Variants in BROX observed in about 807,000 individuals in gnomAD.
BROX encodes the protein BRO1 domain and CAAX motif containing.
In BROX, 53 loss-of-function variants were observed where a neutral mutation model predicts 61.0. The observed-to-expected ratio is 0.87, with a 90% CI of 0.70 to 1.09. The LOEUF (loss-of-function observed/expected upper bound fraction) is 1.09. Ranked by LOEUF, BROX falls within the 50% of genes least tolerant of loss-of-function variation. The probability of loss-of-function intolerance (pLI) is 0.00; values close to 1 mark genes in which losing one functional copy is unlikely to be tolerated. For synonymous variants in BROX, 152 were observed against 160.2 expected, an observed-to-expected ratio of 0.95 and a Z score of 0.38; for missense variants, 489 against 472.0, an observed-to-expected ratio of 1.04 and a Z score of -0.33.
rs1421396815 is a variant in BROX at position 222,730,121 on chromosome 1, A to T, written c.933A>T (p.Lys311Asn). 4 of 1,612,874 alleles carry T rather than the reference A, an allele frequency of 2.5e-6. No individual in the cohort carries two copies. The South Asian group carries it at 4.4e-5, about 18-fold the overall frequency. ...CTTCAGGACATCTGTTCTTTAGGAA[A>T]CTTGGAAACCTTGTGAAGAACACCC... ...VKPSGHLFFR[K>N]LGNLVKNTLE... The change falls in exon 11 of 13, where the codon AAA becomes AAT. Residue 311 changes from lysine (K) to asparagine (N), a missense_variant. Physicochemically the swap from Lys to Asn is moderately conservative, Grantham distance 94. Transcript: ENST00000340934.
At position 222,734,653 on chromosome 1, in the gene BROX, T is replaced by C. The variant is rs1658170293; in HGVS notation, c.*1939T>C. 1 of 152,232 alleles carries C rather than the reference T, an allele frequency of 6.6e-6. No homozygotes were observed. 9.4% of individuals were successfully genotyped at this position (152,232 alleles called of 1,614,324 possible). ...TTATTAAATCTCCCTGTATTTTATGTTGTCTTTATTACAGAATCACTTGTC... is the reference window on the plus strand; with the variant it reads ...TTATTAAATCTCCCTGTATTTTATGCTGTCTTTATTACAGAATCACTTGTC... On this transcript the variant is annotated 3_prime_UTR_variant, in exon 13 of 13. Coordinates refer to ENST00000340934, the MANE Select transcript of BROX (RefSeq NM_144695.4).
rs1658181369 is a variant in BROX at position 222,734,829 on chromosome 1, A to G, written c.*2115A>G. ...CATTGACATTTTTGGGGATGATACT[A>G]CCATATACGAAATGGAAAATGTAAT... On this transcript the variant is annotated 3_prime_UTR_variant, in exon 13 of 13. Transcript: ENST00000340934. 6.6e-6 allele frequency: 1 copy of G among 152,160 alleles called. No individual in the cohort carries two copies. The highest frequency in any genetic ancestry group is 1.5e-5 in the Non-Finnish European group (1 of 68,030). 9.4% of individuals were successfully genotyped at this position (152,160 alleles called of 1,614,324 possible).
At chr1:222,714,948 C>A (rs1367528369) in intron 1 of BROX, among the ~76,000 whole-genome samples, 1 of 152,096 alleles carries the variant, frequency 6.6e-6, no homozygotes, top group Non-Finnish European at 1.5e-5. Flanking sequence ...TAAAAATATT[C>A]TTTAGGTATT....
At chr1:222,730,654 G>A (rs1334076665) in intron 11 of BROX, among the ~76,000 whole-genome samples, 1 of 152,148 alleles carries the variant, frequency 6.6e-6, no homozygotes, top group Non-Finnish European at 1.5e-5. Flanking sequence ...ATAAATTTCA[G>A]TTGTGTAGGG....
intron 2 of BROX, among the ~76,000 whole-genome samples, chr1:222,718,587 T>C (rs1022936294): frequency 6.6e-6 from 1 of 151,854 alleles, no homozygotes; most frequent in African/African-American, 2.4e-5. Flanking sequence ...ATGCATTTGT[T>C]TGATTGTTTT....
intron 1 of BROX, chr1:222,713,283 T>C: frequency 3.0e-6 from 3 of 985,994 alleles, no homozygotes; most frequent in Non-Finnish European, 2.4e-6. Context: ...AATGCCTGTT[T>C]GGAAAGAGGG....
chr1:222,718,443 C>T (rs967432463), intron 2 of BROX, among the ~76,000 whole-genome samples: 2 of 152,026 alleles, frequency 1.3e-5, no homozygotes, highest in Admixed American at 6.6e-5. Context: ...TATATTTTCA[C>T]ATTTTTGTGT....
At chr1:222,726,241 C>G (rs1202443653) in intron 7 of BROX, among the ~76,000 whole-genome samples, 1 of 152,140 alleles carries the variant, frequency 6.6e-6, no homozygotes, top group Non-Finnish European at 1.5e-5. Context: ...ACTTTGTAGG[C>G]TTTCGTTTTT....
chr1:222,729,387 C>T (rs572776914), intron 9 of BROX, among the ~76,000 whole-genome samples: 5 of 151,628 alleles, frequency 3.3e-5, no homozygotes, highest in African/African-American at 1.2e-4. Context: ...ATTTTAAATA[C>T]AGATTTCAGC....
Position 222,712,692 on chromosome 1 carries a change from G to A in BROX, c.-267G>A. The A allele has an allele frequency of 7.7e-7, 1 of 1,294,510 alleles. No individual in the cohort carries two copies. The highest frequency in any genetic ancestry group is 1.0e-6 in the Non-Finnish European group (1 of 991,984). The allele number at this position is 1,294,510 out of a possible 1,614,324, so 80.2% of individuals were successfully genotyped here. A position where few individuals can be genotyped will look rare whatever the true frequency, so the allele number is the denominator to read the frequency against. ...GAAGGCCGAGGGAGAAGTTAGAAAG[G>A]GATGATGAACGAAGCGTTTTGAGGG... is the stretch of plus-strand genomic sequence containing the variant. On this transcript the variant is annotated 5_prime_UTR_variant, in exon 1 of 13. Transcript: ENST00000340934.
chr1:222,714,586 T>TG (rs1656419792), intron 1 of BROX, among the ~76,000 whole-genome samples: 6 of 149,620 alleles, frequency 4.0e-5, no homozygotes, highest in Non-Finnish European at 8.9e-5. Context: ...TTTTTTGTTT[T>TG]TTTTTTCCTT....
chr1:222,728,980 C>A, intron 9 of BROX, 152 bp downstream of exon 9: 1 of 507,916 alleles, frequency 2.0e-6, no homozygotes, highest in Non-Finnish European at 3.5e-6. Context: ...TCAGTGCAAC[C>A]ATTGTGAACT....
In BROX at chr1:222,735,108, CAACT is replaced by C. The variant is rs1187378624; in HGVS notation, c.*2398_*2401del. 6.6e-6 allele frequency: 1 copy of C among 152,154 alleles called. No individual in the cohort carries two copies. The highest frequency in any genetic ancestry group is 1.5e-5 in the Non-Finnish European group (1 of 68,026). The allele number at this position is 152,154 out of a possible 1,614,324, so 9.4% of individuals were successfully genotyped here. On this transcript the variant is annotated 3_prime_UTR_variant, in exon 13 of 13. Coordinates refer to ENST00000340934, the MANE Select transcript of BROX (RefSeq NM_144695.4). The stretch of plus-strand genomic sequence containing the variant: ...ACATGGATTTCATACTAGGCAGTGA[CAACT>C]AACATGTTACTTCAACTAAAAGTGT...
chr1:222,714,242 C>G (rs552821421), intron 1 of BROX, among the ~76,000 whole-genome samples: 1 of 141,720 alleles, frequency 7.1e-6, no homozygotes, highest in East Asian at 2.1e-4. Flanking sequence ...GACGGAGTCT[C>G]CCTCTGTCGC....
chr1:222,731,897 A>C (rs1657965104), intron 12 of BROX, among the ~76,000 whole-genome samples: 1 of 152,202 alleles, frequency 6.6e-6, no homozygotes, highest in African/African-American at 2.4e-5. Flanking sequence ...TATTCTGTGA[A>C]TCCAGGTGTA....
intron 5 of BROX, among the ~76,000 whole-genome samples, chr1:222,723,803 C>T (rs188663075): frequency 2.6e-5 from 4 of 152,056 alleles, no homozygotes; most frequent in Non-Finnish European, 5.9e-5. Flanking sequence ...CTCAGCCTCC[C>T]GAGTAGCTGG....
rs1480567039 is a variant in BROX at position 222,733,017 on chromosome 1, AG to A, written c.*305del. 1.4e-5 allele frequency: 3 copies of A among 208,088 alleles called. No individual in the cohort carries two copies. Among genetic ancestry groups the A allele is most frequent in the Non-Finnish European group, 1.9e-5 (2 of 107,858 alleles). 12.9% of individuals were successfully genotyped at this position (208,088 alleles called of 1,614,324 possible). Reference sequence around the variant, plus strand: ...ATAGTAATAAGTTTCAGGTCAGTATAGGCCCGAATCATGTGGTTTCAGGTAT... The same window carrying A: ...ATAGTAATAAGTTTCAGGTCAGTATAGCCCGAATCATGTGGTTTCAGGTAT... On this transcript the variant is annotated 3_prime_UTR_variant, in exon 13 of 13. Coordinates refer to ENST00000340934, the MANE Select transcript of BROX (RefSeq NM_144695.4).
chr1:222,719,040 T>A lies in BROX; in HGVS notation c.208+9T>A. 1 of 1,597,954 alleles carries A rather than the reference T, an allele frequency of 6.3e-7. No homozygotes were observed. Among genetic ancestry groups the A allele is most frequent in the Non-Finnish European group, 8.5e-7 (1 of 1,171,082 alleles). On this transcript the variant is annotated intron_variant, in intron 3 of 12. Transcript: ENST00000340934. The stretch of plus-strand genomic sequence containing the variant: ...TTTCTCACTTTTACAAGGTTAGTTA[T>A]TTATATGAACTTGAGGTTTTTTAAA...
At chr1:222,714,855 C>T (rs1261885849) in intron 1 of BROX, among the ~76,000 whole-genome samples, 3 of 152,172 alleles carry the variant, frequency 2.0e-5, no homozygotes, top group Admixed American at 6.5e-5. Flanking sequence ...GCTGAGATTA[C>T]AGGCATGAGC....
Sources: gnomAD v4.1 joint callset for allele counts (sites outside exome capture counted in the v4.1 genomes callset) on GRCh38, gnomAD v4.1.1 for gene constraint, MANE v1.5 for transcripts, NCBI Gene and HGNC (gene_info 2026-07-23, HGNC 2026-07-21) for gene names.